The following DUSP8 variants were observed in gnomAD, a reference collection of about 807,000 sequenced individuals.
DUSP8 encodes the protein dual specificity protein phosphatase 8.
Under a neutral mutation model 38.7 loss-of-function variants are expected in DUSP8, and 15 were observed. The ratio of observed to expected loss-of-function variants is 0.39; its 90% confidence interval spans 0.26 to 0.60. The LOEUF is 0.60. Ranked by LOEUF, DUSP8 falls within the 20% of genes least tolerant of loss-of-function variation. The probability of loss-of-function intolerance (pLI) is 0.56; values close to 1 mark genes in which losing one functional copy is unlikely to be tolerated. For synonymous variants in DUSP8, 458 were observed against 433.9 expected (o/e 1.06, Z -0.69); for missense variants, 768 against 915.0 (o/e 0.84, Z 2.07).
chr11:1,562,174 GC>G (rs1197972448), intron 3 of DUSP8, among the ~76,000 whole-genome samples: 2 of 151,914 alleles, frequency 1.3e-5, no homozygotes, highest in Admixed American at 1.3e-4. Flanking sequence ...ACCCACCAGT[GC>G]TGGGTGAGGG....
Position 1,557,612 on chromosome 11 carries a change from G to T in DUSP8, c.822-38C>A. The T allele has an allele frequency of 1.3e-6, 2 of 1,496,518 alleles. No individual in the cohort carries two copies. Among genetic ancestry groups the T allele is most frequent in the South Asian group, 1.3e-5 (1 of 75,726 alleles). 92.7% of individuals were successfully genotyped at this position (1,496,518 alleles called of 1,614,324 possible). A position where few individuals can be genotyped will look rare whatever the true frequency, so the allele number is the denominator to read the frequency against. ...AGGCTCAGTCCCAGGCGCCCGCCGG[G>T]GCCAGGCTGCCCACCTGACGCACCC... On this transcript the variant is annotated intron_variant, in intron 6 of 6. Transcript: ENST00000397374. The surrounding 1 kb of genome is among the most constrained non-coding windows in gnomAD (Gnocchi z 9.9).
intron 1 of DUSP8, among the ~76,000 whole-genome samples, chr11:1,570,631 C>A (rs1156923680): frequency 2.8e-5 from 3 of 105,766 alleles, no homozygotes. Flanking sequence ...CCTGCCCAGC[C>A]ACACTCGTGC....
chr11:1,569,519 C>T (rs1487350399), intron 1 of DUSP8, among the ~76,000 whole-genome samples: 3 of 152,138 alleles, frequency 2.0e-5, no homozygotes, highest in Admixed American at 1.3e-4. Flanking sequence ...AGTACACGCA[C>T]GTCCTTGCCC....
Position 1,556,682 on chromosome 11 carries a change from C to G in DUSP8, c.1714G>C (p.Gly572Arg). 1 of 1,325,596 alleles carries G rather than the reference C, an allele frequency of 7.5e-7. No homozygotes were observed. The highest frequency in any genetic ancestry group is 3.1e-5 in the East Asian group (1 of 32,312). The allele number at this position is 1,325,596 out of a possible 1,614,324, so 82.1% of individuals were successfully genotyped here. The change falls in exon 7 of 7, where the codon GGC (glycine) becomes CGC (arginine). Residue 572 changes from glycine (G) to arginine (R), a missense_variant. Coordinates refer to ENST00000397374, the MANE Select transcript of DUSP8 (RefSeq NM_004420.3). The surrounding 1 kb of genome is among the most constrained non-coding windows in gnomAD (Gnocchi z 5.2). Reference sequence around the variant, plus strand: ...TCCGGGGCCGGCTCCTCGGGCCAGCCGGTCCGCGCGTCCCGGGGCTCAGCC... The same window carrying G: ...TCCGGGGCCGGCTCCTCGGGCCAGCGGGTCCGCGCGTCCCGGGGCTCAGCC... ...ARAEPRDART[G>R]WPEEPAPETQ...
At chr11:1,564,282 C>T (rs1049013283) in intron 2 of DUSP8, among the ~76,000 whole-genome samples, 5 of 152,198 alleles carry the variant, frequency 3.3e-5, no homozygotes, top group South Asian at 2.1e-4. Context: ...AGGGGACGGA[C>T]GCTCTGGGCC....
intron 1 of DUSP8, 78 bp from the exon 2 acceptor site, chr11:1,566,012 C>T: frequency 1.7e-6 from 1 of 594,452 alleles, no homozygotes; most frequent in Non-Finnish European, 3.0e-6. Flanking sequence ...CAGATCAGAG[C>T]TGGGAGCTGC....
At position 1,556,200 on chromosome 11, in the gene DUSP8, A is replaced by T; in HGVS notation, c.*318T>A. 3.7e-6 allele frequency: 1 copy of T among 268,354 alleles called. No homozygotes were observed. The highest frequency in any genetic ancestry group is 6.9e-6 in the Non-Finnish European group (1 of 144,152). The allele number at this position is 268,354 out of a possible 1,614,324, so 16.6% of individuals were successfully genotyped here. On this transcript the variant is annotated 3_prime_UTR_variant, in exon 7 of 7. Coordinates refer to ENST00000397374, the MANE Select transcript of DUSP8 (RefSeq NM_004420.3). This position sits in a 1 kb window ranked among gnomAD's most constrained non-coding sequence, Gnocchi z 5.2. ...CACGAAAGCTCGGCAGCCTTTGCAA[A>T]GGTCAGCAGTGTTTCCTGGGGCGGG...
At chr11:1,571,179 TCCC>T (rs1848885755) in intron 1 of DUSP8, among the ~76,000 whole-genome samples, 3 of 152,122 alleles carry the variant, frequency 2.0e-5, no homozygotes, top group African/African-American at 7.2e-5. Flanking sequence ...CTATTAGGTA[TCCC>T]CACCTGGTCT....
At position 1,568,214 on chromosome 11, in the gene DUSP8, G is replaced by A. The variant is rs574720618; in HGVS notation, c.-108-2280C>T. On this transcript the variant is annotated intron_variant, in intron 1 of 6. Coordinates refer to ENST00000397374, the MANE Select transcript of DUSP8 (RefSeq NM_004420.3). ...CCCCAGTGCAGGGAGGAGGGCAGGT[G>A]TGAGGAGAGGCCCTCGCCCTCTCTG... is the stretch of plus-strand genomic sequence containing the variant. 6.6e-5 allele frequency among the ~76,000 whole-genome samples: 10 copies of A among 152,306 alleles called. No homozygotes were observed. In the East Asian group the frequency reaches 1.9e-3, roughly 29 times the overall value.
In DUSP8 at chr11:1,563,834, G is replaced by A. The variant is rs1361068183; in HGVS notation, c.370+17C>T. The A allele has an allele frequency of 2.0e-6, 3 of 1,465,090 alleles. No individual in the cohort carries two copies. Among genetic ancestry groups the A allele is most frequent in the East Asian group, 2.6e-5 (1 of 39,020 alleles). The allele number at this position is 1,465,090 out of a possible 1,614,324, so 90.8% of individuals were successfully genotyped here. ...GGCGGAGCAAGTGCCTCGGGGAGGC[G>A]TGGGTCATGGACTCACCAGTGAGGA... On this transcript the variant is annotated intron_variant, in intron 3 of 6. Transcript: ENST00000397374.
intron 1 of DUSP8, among the ~76,000 whole-genome samples, chr11:1,566,277 C>T (rs1848802862): frequency 6.6e-6 from 1 of 152,110 alleles, no homozygotes; most frequent in Middle Eastern, 3.2e-3. Context: ...GTGACTTCTG[C>T]ATCTTTTCCA....
At position 1,557,980 on chromosome 11, in the gene DUSP8, G is replaced by C. The variant is rs1215867542; in HGVS notation, c.698-63C>G. On this transcript the variant is annotated intron_variant, in intron 5 of 6. Coordinates refer to ENST00000397374, the MANE Select transcript of DUSP8 (RefSeq NM_004420.3). The surrounding 1 kb of genome is among the most constrained non-coding windows in gnomAD (Gnocchi z 9.9). ...GACTGCACAGCTTCTCCCTGGCCCA[G>C]GTAGGGGACCCCACCCGCCCAACTG... The C allele has an allele frequency of 1.2e-6, 2 of 1,611,302 alleles. No homozygotes were observed. Among genetic ancestry groups the C allele is most frequent in the Non-Finnish European group, 1.7e-6 (2 of 1,178,640 alleles).
chr11:1,556,449 T>C lies in DUSP8; in HGVS notation c.*69A>G. ...CCCAGTAAAACCATTTACCTTTCTT[T>C]GCATTATATATAATATACATTTATA... On this transcript the variant is annotated 3_prime_UTR_variant, in exon 7 of 7. Transcript: ENST00000397374. The surrounding 1 kb of genome is among the most constrained non-coding windows in gnomAD (Gnocchi z 5.2). 8.1e-7 allele frequency: 1 copy of C among 1,230,244 alleles called. No homozygotes were observed. Among genetic ancestry groups the C allele is most frequent in the Non-Finnish European group, 1.0e-6 (1 of 986,746 alleles). The allele number at this position is 1,230,244 out of a possible 1,614,324, so 76.2% of individuals were successfully genotyped here.
In DUSP8 at chr11:1,557,484, G is replaced by A. The variant is rs377156761; in HGVS notation, c.912C>T (p.Ala304=). 36 of 1,573,752 alleles carry A rather than the reference G, an allele frequency of 2.3e-5. No individual in the cohort carries two copies. The Admixed American group carries it at 4.2e-4, about 18-fold the overall frequency. ...LEYERSLKLL[A]ALQGDPGTPS... Reference sequence around the variant, plus strand: ...GGGTGCCCGGGTCGCCCTGCAGGGCGGCCAGCAGCTTCAGGCTGCGCTCGT... The same window carrying A: ...GGGTGCCCGGGTCGCCCTGCAGGGCAGCCAGCAGCTTCAGGCTGCGCTCGT... Residue 304 remains alanine (A), a synonymous_variant, in exon 7 of 7, where the codon GCC becomes GCT. Transcript: ENST00000397374. The surrounding 1 kb of genome is among the most constrained non-coding windows in gnomAD (Gnocchi z 9.9).
rs1848826624 is a variant in DUSP8, at chr11:1,567,816, G to T, written c.-108-1882C>A. On this transcript the variant is annotated intron_variant, in intron 1 of 6. Coordinates refer to ENST00000397374, the MANE Select transcript of DUSP8 (RefSeq NM_004420.3). ...GAACGAGGCCTGGGAGTCCTCTCCAGGGCCAGACCCAGCAAGTTCAACAGC... is the reference window on the plus strand; with the variant it reads ...GAACGAGGCCTGGGAGTCCTCTCCATGGCCAGACCCAGCAAGTTCAACAGC... Among the ~76,000 whole-genome samples, 10 of 152,336 alleles carry T rather than the reference G, an allele frequency of 6.6e-5. 2 individuals are homozygous for T. The South Asian group carries it at 1.9e-3, about 28-fold the overall frequency.
Position 1,555,048 on chromosome 11 carries a change from G to T in DUSP8, c.*1470C>A. The T allele has an allele frequency of 1.0e-6, 1 of 986,376 alleles. No homozygotes were observed. The highest frequency in any genetic ancestry group is 1.7e-5 in the African/African-American group (1 of 57,354). The allele number at this position is 986,376 out of a possible 1,614,324, so 61.1% of individuals were successfully genotyped here. ...TCCCTGGCCCTGCTCCAGGACTCAG[G>T]ACTGGGTCCTGCCCTGGGCTGCCTC... On this transcript the variant is annotated 3_prime_UTR_variant, in exon 7 of 7. Transcript: ENST00000397374.
chr11:1,566,893 T>C lies in DUSP8; in HGVS notation c.-108-959A>G, dbSNP rs1590807449. ...GGATGGAGTCTCCGGAAGCCCCTCC[T>C]GCAGGCTTGATGACAAGCCTGTCAC... On this transcript the variant is annotated intron_variant, in intron 1 of 6. Coordinates refer to ENST00000397374, the MANE Select transcript of DUSP8 (RefSeq NM_004420.3). Among the ~76,000 whole-genome samples, 6 of 152,090 alleles carry C rather than the reference T, an allele frequency of 3.9e-5. 2 individuals carry two copies. Among genetic ancestry groups the C allele is most frequent in the African/African-American group, 1.4e-4 (6 of 41,530 alleles).
intron 1 of DUSP8, among the ~76,000 whole-genome samples, chr11:1,570,871 C>G (rs372244255): frequency 6.6e-6 from 1 of 152,058 alleles, no homozygotes; most frequent in African/African-American, 2.4e-5. Flanking sequence ...GGGAGAGTGC[C>G]GGGGTTTGGA....
chr11:1,565,475 G>T, intron 2 of DUSP8, 121 bp downstream of exon 2: 1 of 780,784 alleles, frequency 1.3e-6, no homozygotes, highest in Non-Finnish European at 2.1e-6. Flanking sequence ...GCCCCTGGCT[G>T]TGACCCCAAG....
Sources: allele counts gnomAD v4.1 joint callset (sites outside exome capture counted in the v4.1 genomes callset), GRCh38; gene constraint gnomAD v4.1.1; non-coding constraint Gnocchi (gnomAD v3.1); transcripts MANE v1.5; gene names NCBI Gene and HGNC (gene_info 2026-07-23, HGNC 2026-07-21).